The following AFAP1 variants were observed in gnomAD, a reference collection of about 807,000 sequenced individuals.
AFAP1 encodes actin filament-associated protein 1.
A neutral mutation model predicts 93.9 loss-of-function variants in AFAP1; 75 were observed. The observed-to-expected ratio is 0.80, with a 90% CI of 0.66 to 0.97. The LOEUF (loss-of-function observed/expected upper bound fraction) is 0.97. Among genes scored for constraint, AFAP1 ranks in the 50% least tolerant of loss-of-function variants. AFAP1 has a pLI of 0.00. For missense variants in AFAP1, 1,201 were observed against 1,050.8 expected, an observed-to-expected ratio of 1.14 and a Z score of -1.98; for synonymous variants, 517 against 430.7, an observed-to-expected ratio of 1.20 and a Z score of -2.48.
chr4:7,883,454 C>G (rs887334335), intron 1 of AFAP1, among the ~76,000 whole-genome samples: 3 of 152,110 alleles, frequency 2.0e-5, no homozygotes, highest in Non-Finnish European at 4.4e-5. Flanking sequence ...GGAAACACTT[C>G]AAGAATTCCC....
intron 1 of AFAP1, among the ~76,000 whole-genome samples, chr4:7,930,320 G>A (rs1164557541): frequency 2.0e-5 from 3 of 151,494 alleles, no homozygotes; most frequent in Admixed American, 2.0e-4. Context: ...CCAATATTTA[G>A]AGGGTTTTAT....
chr4:7,885,170 C>T (rs570446418), intron 1 of AFAP1, among the ~76,000 whole-genome samples: 2 of 152,282 alleles, frequency 1.3e-5, no homozygotes, highest in Admixed American at 1.3e-4. Context: ...GTGACTTCTC[C>T]GGATCCTGTA....
chr4:7,775,507 C>T (rs10032821), intron 14 of AFAP1: 23,216 of 152,458 alleles, frequency 0.15, 1,909 homozygotes, highest in African/African-American at 0.2. Context: ...TCCCTAACAC[C>T]GCAGTATCTG....
At chr4:7,769,625 G>C (rs1052129867) in intron 16 of AFAP1, among the ~76,000 whole-genome samples, 1 of 149,376 alleles carries the variant, frequency 6.7e-6, no homozygotes, top group Non-Finnish European at 1.5e-5. Flanking sequence ...TCTTCCATAT[G>C]GGATCCCAAA....
intron 1 of AFAP1, among the ~76,000 whole-genome samples, chr4:7,882,244 A>T (rs915493023): frequency 5.9e-5 from 9 of 152,182 alleles, no homozygotes; most frequent in African/African-American, 2.2e-4. Flanking sequence ...GTAAGAAAAA[A>T]ATAATTTACC....
chr4:7,843,248 G>A lies in AFAP1; in HGVS notation c.437C>T (p.Ala146Val). The stretch of plus-strand genomic sequence containing the variant: ...GGCGTCCTTGACCAGGTCCATGGAG[G>A]CCTCCTCGGAGGGCCACTGGTGCCG... ...KTRHQWPSEE[A>V]SMDLVKDAKI... Residue 146 changes from alanine (A) to valine (V), a missense_variant, in exon 5 of 18, where the codon GCC becomes GTC. Ala to Val is a moderately conservative substitution (Grantham distance 64). Transcript: ENST00000420658. 1 of 1,614,166 alleles carries A rather than the reference G, an allele frequency of 6.2e-7. No homozygotes were observed. Among genetic ancestry groups the A allele is most frequent in the African/African-American group, 1.3e-5 (1 of 75,034 alleles).
chr4:7,868,126 A>T (rs1276341650), intron 3 of AFAP1, among the ~76,000 whole-genome samples: 1 of 152,176 alleles, frequency 6.6e-6, no homozygotes, highest in Non-Finnish European at 1.5e-5. Flanking sequence ...TGAATGCATA[A>T]AACTAAAGTA....
intron 9 of AFAP1, 42 bp from the exon 10 acceptor site, chr4:7,800,695 A>C: frequency 6.2e-7 from 1 of 1,607,630 alleles, no homozygotes; most frequent in Non-Finnish European, 8.5e-7. Context: ...CTCGGACAAG[A>C]CCAGGCGAGG....
intron 6 of AFAP1, among the ~76,000 whole-genome samples, chr4:7,834,838 C>T (rs923728028): frequency 6.6e-6 from 1 of 152,246 alleles, no homozygotes; most frequent in African/African-American, 2.4e-5. Context: ...TGAACTGAAA[C>T]AAATATAAAC....
At chr4:7,769,178 C>A (rs1482439157) in intron 16 of AFAP1, among the ~76,000 whole-genome samples, 170 bp from the exon 17 acceptor site, 1 of 152,218 alleles carries the variant, frequency 6.6e-6, no homozygotes, top group African/African-American at 2.4e-5. Context: ...CAGAGCGTCT[C>A]CTGGCATTCA....
Position 7,905,968 on chromosome 4 carries a change from C to T in AFAP1, c.-3+33688G>A, listed in dbSNP as rs140487176. ...AACGTGGAGGCAGGAGACACCCCCA[C>T]GCACAAGGGCCAGCCTGGGGGCCTG... is the stretch of plus-strand genomic sequence containing the variant. On this transcript the variant is annotated intron_variant, in intron 1 of 17. Coordinates refer to ENST00000420658, the MANE Select transcript of AFAP1 (RefSeq NM_001134647.2). Among the ~76,000 whole-genome samples, 10 of 152,342 alleles carry T rather than the reference C, an allele frequency of 6.6e-5. No individual in the cohort carries two copies. The East Asian group carries it at 1.3e-3, about 21-fold the overall frequency.
Position 7,763,875 on chromosome 4 carries a change from G to T in AFAP1, c.2419-84C>A, listed in dbSNP as rs1355298897. On this transcript the variant is annotated intron_variant, in intron 17 of 17. Transcript: ENST00000420658. The stretch of plus-strand genomic sequence containing the variant: ...CACGCCACCATCCACATTCAACTCA[G>T]AGGGGGTGGGTGCTCGGCTACTGCA... 16 of 1,397,204 alleles carry T rather than the reference G, an allele frequency of 1.1e-5. No individual in the cohort carries two copies. In the East Asian group the frequency reaches 4.0e-4, roughly 35 times the overall value. 86.6% of individuals were successfully genotyped at this position (1,397,204 alleles called of 1,614,324 possible).
At chr4:7,793,885 A>T in intron 10 of AFAP1, 59 bp from the exon 11 acceptor site, 1 of 1,436,620 alleles carries the variant, frequency 7.0e-7, no homozygotes, top group Non-Finnish European at 9.3e-7. Context: ...CATTTTCATA[A>T]ATGTGTCAAT....
intron 1 of AFAP1, among the ~76,000 whole-genome samples, chr4:7,906,921 G>C (rs1036152062): frequency 4.8e-4 from 72 of 151,454 alleles, no homozygotes; most frequent in Non-Finnish European, 1.2e-4. Context: ...AGAACCGCTT[G>C]AACTCGGGAG....
intron 12 of AFAP1, 109 bp downstream of exon 12, chr4:7,786,085 T>TA (rs1160378026): frequency 1.6e-5 from 16 of 990,858 alleles, no homozygotes; most frequent in Non-Finnish European, 2.0e-5. Context: ...CTCAGAGCAT[T>TA]AAAAAGCTGA....
intron 1 of AFAP1, among the ~76,000 whole-genome samples, chr4:7,923,012 G>A (rs2891927): frequency 0.89 from 135,018 of 152,144 alleles, 60,123 homozygotes; most frequent in African/African-American, 0.96. Flanking sequence ...AATAAAATGA[G>A]CAAAAAATCA....
chr4:7,902,219 C>A (rs569999832), intron 1 of AFAP1, among the ~76,000 whole-genome samples: 2 of 152,248 alleles, frequency 1.3e-5, no homozygotes, highest in African/African-American at 4.8e-5. Context: ...GCGGGCTTCC[C>A]GGGTCCCAAA....
chr4:7,819,148 A>G lies in AFAP1; in HGVS notation c.750T>C (p.Gly250=), dbSNP rs1259715207. ...WLKVIKEAYS[G]CSGPVDSECP... is the part of the protein sequence containing the mutation. The stretch of plus-strand genomic sequence containing the variant: ...ACTCTGAATCCACGGGGCCACTACA[A>G]CCACTGTAGGCTTCTTTGATCACCT... The change falls in exon 7 of 18, where the codon GGT becomes GGC. Residue 250 remains glycine, a synonymous_variant. Coordinates refer to ENST00000420658, the MANE Select transcript of AFAP1 (RefSeq NM_001134647.2). 2 of 1,613,400 alleles carry G rather than the reference A, an allele frequency of 1.2e-6. No homozygotes were observed. The highest frequency in any genetic ancestry group is 1.3e-5 in the African/African-American group (1 of 74,994).
At chr4:7,899,049 T>C (rs546647809) in intron 1 of AFAP1, among the ~76,000 whole-genome samples, 6 of 151,398 alleles carry the variant, frequency 4.0e-5, no homozygotes, top group Non-Finnish European at 8.8e-5. Flanking sequence ...AAGTAATACA[T>C]ACCCCACAGC....
Sources: gnomAD v4.1 joint callset for allele counts (sites outside exome capture counted in the v4.1 genomes callset) on GRCh38, gnomAD v4.1.1 for gene constraint, MANE v1.5 for transcripts, NCBI Gene and HGNC (gene_info 2026-07-23, HGNC 2026-07-21) for gene names.